B4GALT5: variants seen among roughly 807,000 people sequenced by gnomAD.
B4GALT5 encodes the protein UDP-Gal:beta-GlcNAc beta-1,4-galactosyltransferase 5.
B4GALT5 carries 11 observed loss-of-function variants against 45.0 expected under a neutral mutation model. The ratio of observed to expected loss-of-function variants is 0.24; its 90% CI spans 0.15 to 0.40. The LOEUF (loss-of-function observed/expected upper bound fraction) is 0.40. Among genes scored for constraint, B4GALT5 ranks in the 10% least tolerant of loss-of-function variants. The probability of loss-of-function intolerance (pLI) is 1.00; values close to 1 mark genes in which losing one functional copy is unlikely to be tolerated. For missense variants in B4GALT5, 337 were observed against 500.2 expected, an observed-to-expected ratio of 0.67 and a Z score of 3.11; for synonymous variants, 185 against 182.9, an observed-to-expected ratio of 1.01 and a Z score of -0.09.
At chr20:49,700,018 C>T (rs775869054) in intron 1 of B4GALT5, among the ~76,000 whole-genome samples, 1 of 152,134 alleles carries the variant, frequency 6.6e-6, no homozygotes, top group Non-Finnish European at 1.5e-5. Context: ...CCACCCTTGC[C>T]CGCCACATGT....
rs181782732 is a variant in B4GALT5, at chr20:49,653,758, G to A, written c.250+2810C>T. On this transcript the variant is annotated intron_variant, in intron 2 of 8. Coordinates refer to ENST00000371711, the MANE Select transcript of B4GALT5 (RefSeq NM_004776.4). ...TCCAATCTATTAGAGAAATAAACAC[G>A]TTTAACAAAAAATAGATTGTTCTAA... 1.8e-3 allele frequency among the ~76,000 whole-genome samples: 273 copies of A among 152,276 alleles called. 1 individual carries two copies. The highest frequency in any genetic ancestry group is 3.2e-3 in the Non-Finnish European group (218 of 67,998).
chr20:49,671,875 A>G (rs146691360), intron 1 of B4GALT5, among the ~76,000 whole-genome samples: 4,476 of 152,118 alleles, frequency 0.029, 98 homozygotes, highest in Non-Finnish European at 0.043. Flanking sequence ...AATAATCAAT[A>G]AATTTTTGTA....
chr20:49,642,971 T>C (rs1369191782), intron 4 of B4GALT5, among the ~76,000 whole-genome samples: 1 of 152,232 alleles, frequency 6.6e-6, no homozygotes. Flanking sequence ...TTCCCAGCGA[T>C]GGGCTGGATA....
intron 7 of B4GALT5, among the ~76,000 whole-genome samples, chr20:49,637,863 C>T (rs1054958271): frequency 2.0e-5 from 3 of 151,658 alleles, no homozygotes; most frequent in Non-Finnish European, 2.9e-5. Context: ...CACTTGAACC[C>T]GGGAGGCAAA....
At chr20:49,694,196 C>T (rs377115784) in intron 1 of B4GALT5, among the ~76,000 whole-genome samples, 57 of 152,202 alleles carry the variant, frequency 3.7e-4, no homozygotes, top group African/African-American at 1.2e-3. Context: ...CTTCAAAGTG[C>T]CCTTTCTGTA....
At chr20:49,712,751 T>C (rs2085920270) in intron 1 of B4GALT5, among the ~76,000 whole-genome samples, 1 of 145,858 alleles carries the variant, frequency 6.9e-6, no homozygotes, top group African/African-American at 2.5e-5. Flanking sequence ...CTTCCCCAGG[T>C]CTTCAGTTGA....
chr20:49,683,129 C>T (rs888181292), intron 1 of B4GALT5, among the ~76,000 whole-genome samples: 3 of 151,778 alleles, frequency 2.0e-5, no homozygotes, highest in African/African-American at 4.8e-5. Flanking sequence ...CATAGAAGGA[C>T]GACATATGCT....
At chr20:49,655,822 A>G (rs1271769582) in intron 2 of B4GALT5, among the ~76,000 whole-genome samples, 1 of 151,096 alleles carries the variant, frequency 6.6e-6, no homozygotes, top group Non-Finnish European at 1.5e-5. Flanking sequence ...CCAGCTACTC[A>G]GGAGGCTGAG....
chr20:49,681,142 T>C (rs183004989), intron 1 of B4GALT5, among the ~76,000 whole-genome samples: 22 of 147,888 alleles, frequency 1.5e-4, no homozygotes, highest in Admixed American at 1.2e-3. Flanking sequence ...TTTGAGCCCA[T>C]GTGTTTTAGG....
At chr20:49,713,289 T>G (rs922081441) in intron 1 of B4GALT5, among the ~76,000 whole-genome samples, 15 of 142,916 alleles carry the variant, frequency 1.0e-4, no homozygotes, top group African/African-American at 4.0e-4. Context: ...GGAAGGGGGT[T>G]CCGGAGCAAG....
intron 1 of B4GALT5, among the ~76,000 whole-genome samples, chr20:49,668,259 T>C (rs2085700571): frequency 6.6e-6 from 1 of 152,146 alleles, no homozygotes; most frequent in Non-Finnish European, 1.5e-5. Flanking sequence ...AATTAACAGC[T>C]ATGAAGTACC....
At chr20:49,668,095 T>C (rs1428525611) in intron 1 of B4GALT5, among the ~76,000 whole-genome samples, 1 of 151,988 alleles carries the variant, frequency 6.6e-6, no homozygotes, top group Non-Finnish European at 1.5e-5. Context: ...AAGTAAATAA[T>C]ACAAAAAAAT....
intron 1 of B4GALT5, among the ~76,000 whole-genome samples, chr20:49,664,036 A>G (rs2085678313): frequency 1.3e-5 from 2 of 152,116 alleles, no homozygotes; most frequent in South Asian, 4.1e-4. Flanking sequence ...GTTGATCACA[A>G]CTGACATTTG....
chr20:49,673,148 G>A (rs796856083), intron 1 of B4GALT5, among the ~76,000 whole-genome samples: 58 of 152,282 alleles, frequency 3.8e-4, no homozygotes, highest in African/African-American at 1.3e-3. Context: ...TTGGGAAGCC[G>A]AGGCAGGCGG....
chr20:49,674,919 C>G (rs2085731367), intron 1 of B4GALT5, among the ~76,000 whole-genome samples: 1 of 152,184 alleles, frequency 6.6e-6, no homozygotes, highest in Non-Finnish European at 1.5e-5. Flanking sequence ...ACTCCCAACT[C>G]TACCCACAAT....
intron 7 of B4GALT5, among the ~76,000 whole-genome samples, 198 bp downstream of exon 7, chr20:49,639,480 C>T (rs1374426116): frequency 1.3e-5 from 2 of 152,178 alleles, no homozygotes; most frequent in Non-Finnish European, 1.5e-5. Flanking sequence ...CCTCCCACCT[C>T]GGCCTTCCAA....
intron 3 of B4GALT5, among the ~76,000 whole-genome samples, 173 bp downstream of exon 3, chr20:49,646,792 A>G (rs941183807): frequency 2.0e-5 from 3 of 152,246 alleles, no homozygotes; most frequent in African/African-American, 7.2e-5. Flanking sequence ...CCAAGAACAC[A>G]GGCAACCTTG....
chr20:49,712,690 C>T (rs1881386805), intron 1 of B4GALT5, among the ~76,000 whole-genome samples: 1 of 152,062 alleles, frequency 6.6e-6, no homozygotes, highest in Non-Finnish European at 1.5e-5. Context: ...CACCATCTAC[C>T]CTCAAGGCTA....
intron 2 of B4GALT5, among the ~76,000 whole-genome samples, chr20:49,648,373 T>C (rs996998675): frequency 6.6e-6 from 1 of 152,208 alleles, no homozygotes; most frequent in African/African-American, 2.4e-5. Context: ...GGTTATTAAG[T>C]CTCCAGCTCT....
Sources: gnomAD v4.1 joint callset for allele counts (sites outside exome capture counted in the v4.1 genomes callset) on GRCh38, gnomAD v4.1.1 for gene constraint, MANE v1.5 for transcripts, NCBI Gene and HGNC (gene_info 2026-07-23, HGNC 2026-07-21) for gene names.